The following FARS2 variants were observed in gnomAD, a reference collection of about 807,000 sequenced individuals.
FARS2 encodes the protein phenylalanyl-tRNA synthetase 2, mitochondrial.
A neutral mutation model predicts 46.4 loss-of-function variants in FARS2; 40 were observed. The ratio of observed to expected loss-of-function variants is 0.86; its 90% CI spans 0.67 to 1.12. The LOEUF (loss-of-function observed/expected upper bound fraction) is 1.12, where lower values mean the gene tolerates loss of function less well. Among genes scored for constraint, FARS2 ranks in the 50% most tolerant of loss-of-function variants. FARS2 has a pLI of 0.00. For missense variants in FARS2, 513 were observed against 567.9 expected (o/e 0.90, Z 0.98); for synonymous variants, 234 against 214.9 (o/e 1.09, Z -0.78).
At chr6:5,306,550 C>T (rs1768715895) in intron 1 of FARS2, among the ~76,000 whole-genome samples, 1 of 152,150 alleles carries the variant, frequency 6.6e-6, no homozygotes, top group Non-Finnish European at 1.5e-5. Flanking sequence ...AGGGCCTTTA[C>T]TATGTTTCTG....
At chr6:5,458,728 G>A (rs1035548129) in intron 4 of FARS2, among the ~76,000 whole-genome samples, 2 of 152,154 alleles carry the variant, frequency 1.3e-5, no homozygotes, top group African/African-American at 2.4e-5. Flanking sequence ...ATGGCAGGGA[G>A]TAAAGGATTA....
At chr6:5,748,143 G>A (rs748476243) in intron 6 of FARS2, among the ~76,000 whole-genome samples, 2 of 151,940 alleles carry the variant, frequency 1.3e-5, no homozygotes, top group Admixed American at 6.6e-5. Context: ...CTCTCCCCTC[G>A]GCTTCCCATC....
rs575406847 is a variant in FARS2 at position 5,296,302 on chromosome 6, C to T, written c.-22+34642C>T. On this transcript the variant is annotated intron_variant, in intron 1 of 6. Transcript: ENST00000274680. ...GACTGCAGGTGCCCATCACCACGCC[C>T]AGCTAATTTTTTGTATTTTTAGTAG... Among the ~76,000 whole-genome samples, 3 of 151,950 alleles carry T rather than the reference C, an allele frequency of 2.0e-5. No homozygotes were observed. In the South Asian group the frequency reaches 6.3e-4, roughly 32 times the overall value.
chr6:5,574,507 G>A (rs985806979), intron 5 of FARS2, among the ~76,000 whole-genome samples: 1 of 152,164 alleles, frequency 6.6e-6, no homozygotes, highest in Non-Finnish European at 1.5e-5. Flanking sequence ...GAAGAGAGTG[G>A]TTAAATGCAT....
chr6:5,422,398 A>G (rs1268903525), intron 3 of FARS2, among the ~76,000 whole-genome samples: 1 of 151,814 alleles, frequency 6.6e-6, no homozygotes, highest in South Asian at 2.1e-4. Context: ...TAAATCATAA[A>G]TGTCACTGTT....
At chr6:5,721,172 A>G (rs951053053) in intron 6 of FARS2, among the ~76,000 whole-genome samples, 26 of 152,264 alleles carry the variant, frequency 1.7e-4, no homozygotes, top group African/African-American at 5.5e-4. Flanking sequence ...AAAAATAACT[A>G]TAAAAATTTT....
At chr6:5,463,754 C>T (rs998966521) in intron 4 of FARS2, among the ~76,000 whole-genome samples, 2 of 151,778 alleles carry the variant, frequency 1.3e-5, no homozygotes, top group Non-Finnish European at 2.9e-5. Flanking sequence ...TTTTCTGTTG[C>T]CCTGTGCATG....
chr6:5,666,785 G>A (rs1778146065), intron 6 of FARS2, among the ~76,000 whole-genome samples: 1 of 152,122 alleles, frequency 6.6e-6, no homozygotes, highest in African/African-American at 2.4e-5. Flanking sequence ...TGTATTCGTT[G>A]CTATTCAAAA....
intron 3 of FARS2, among the ~76,000 whole-genome samples, chr6:5,421,005 G>A (rs1762517694): frequency 6.6e-6 from 1 of 152,134 alleles, no homozygotes; most frequent in Admixed American, 6.5e-5. Flanking sequence ...CTGTGTGGGG[G>A]CTCCTACCCA....
At chr6:5,277,018 A>T (rs1581672204) in intron 1 of FARS2, among the ~76,000 whole-genome samples, 1 of 152,090 alleles carries the variant, frequency 6.6e-6, no homozygotes, top group African/African-American at 2.4e-5. Flanking sequence ...AAGAGAAATA[A>T]TTTTTTCTCC....
chr6:5,646,904 T>C (rs547272592), intron 6 of FARS2, among the ~76,000 whole-genome samples: 4 of 152,338 alleles, frequency 2.6e-5, no homozygotes, highest in African/African-American at 9.6e-5. Flanking sequence ...CCCATGGATA[T>C]GGAGGACCAA....
At chr6:5,665,804 G>A (rs920791509) in intron 6 of FARS2, among the ~76,000 whole-genome samples, 4 of 152,194 alleles carry the variant, frequency 2.6e-5, no homozygotes, top group Non-Finnish European at 5.9e-5. Context: ...GACCCTGGAA[G>A]GACTCAAATT....
At chr6:5,482,086 T>C (rs1033271543) in intron 4 of FARS2, among the ~76,000 whole-genome samples, 1 of 152,026 alleles carries the variant, frequency 6.6e-6, no homozygotes, top group Non-Finnish European at 1.5e-5. Context: ...CAGGTTTTTA[T>C]TGGATAAGTA....
chr6:5,425,163 ATTTG>A lies in FARS2; in HGVS notation c.773-5875_773-5872del, dbSNP rs139929876. 3.9e-3 allele frequency among the ~76,000 whole-genome samples: 601 copies of A among 152,300 alleles called. 2 individuals are homozygous for A. The highest frequency in any genetic ancestry group is 0.014 in the African/African-American group (582 of 41,550). On this transcript the variant is annotated intron_variant, in intron 3 of 6. Coordinates refer to ENST00000274680, the MANE Select transcript of FARS2 (RefSeq NM_006567.5). ...GCCAAACACCAGTGGTTAATGGCATATTTGTTCAGTTAATTTTAAAAAATTATTC... is the reference window on the plus strand; with the variant it reads ...GCCAAACACCAGTGGTTAATGGCATATTCAGTTAATTTTAAAAAATTATTC...
intron 6 of FARS2, among the ~76,000 whole-genome samples, chr6:5,729,769 A>G (rs561099273): frequency 1.3e-4 from 20 of 152,308 alleles, no homozygotes; most frequent in African/African-American, 4.6e-4. Flanking sequence ...CTTTCAAGGC[A>G]CATATTTTCA....
At chr6:5,382,939 T>C (rs956501474) in intron 2 of FARS2, among the ~76,000 whole-genome samples, 4 of 152,242 alleles carry the variant, frequency 2.6e-5, no homozygotes, top group Non-Finnish European at 4.4e-5. Flanking sequence ...TTCCTCAGCA[T>C]TTTATTCTAT....
At chr6:5,337,861 T>C (rs1771270796) in intron 1 of FARS2, among the ~76,000 whole-genome samples, 1 of 152,124 alleles carries the variant, frequency 6.6e-6, no homozygotes, top group South Asian at 2.1e-4. Context: ...CTGTTAGGAG[T>C]GATTTTGTAA....
At chr6:5,550,156 G>T (rs1449312374) in intron 5 of FARS2, among the ~76,000 whole-genome samples, 1 of 152,134 alleles carries the variant, frequency 6.6e-6, no homozygotes, top group Admixed American at 6.5e-5. Context: ...AGAATCACTG[G>T]TTCCAAGCTA....
At position 5,515,881 on chromosome 6, in the gene FARS2, G is replaced by A. The variant is rs369637368; in HGVS notation, c.905-29299G>A. ...AATATTTTAAGTGGGTTTACGTTTA[G>A]TAATTTATATCATATTAATTACATT... On this transcript the variant is annotated intron_variant, in intron 4 of 6. Coordinates refer to ENST00000274680, the MANE Select transcript of FARS2 (RefSeq NM_006567.5). 2.0e-4 allele frequency among the ~76,000 whole-genome samples: 30 copies of A among 152,270 alleles called. No individual in the cohort carries two copies. The East Asian group carries it at 4.2e-3, about 22-fold the overall frequency.
Sources: gnomAD v4.1 joint callset for allele counts (sites outside exome capture counted in the v4.1 genomes callset) on GRCh38, gnomAD v4.1.1 for gene constraint, MANE v1.5 for transcripts, NCBI Gene and HGNC (gene_info 2026-07-23, HGNC 2026-07-21) for gene names.